Variants in PRKCA observed in about 807,000 individuals in gnomAD.
PRKCA encodes protein kinase C alpha type.
Under a neutral mutation model 87.0 loss-of-function variants are expected in PRKCA, and 27 were observed. The observed-to-expected ratio is 0.31, with a 90% CI of 0.23 to 0.43. The LOEUF (loss-of-function observed/expected upper bound fraction) is 0.43, where lower values mean the gene tolerates loss of function less well. Among genes scored for constraint, PRKCA ranks in the 20% least tolerant of loss-of-function variants. The probability of loss-of-function intolerance (pLI) is 1.00; values close to 1 mark genes in which losing one functional copy is unlikely to be tolerated. For synonymous variants in PRKCA, 329 were observed against 311.1 expected (o/e 1.06, Z -0.61); for missense variants, 518 against 852.3 (o/e 0.61, Z 4.88).
At chr17:66,621,973 G>A (rs1165617044) in intron 3 of PRKCA, among the ~76,000 whole-genome samples, 1 of 152,092 alleles carries the variant, frequency 6.6e-6, no homozygotes, top group African/African-American at 2.4e-5. Flanking sequence ...CGTCCACGGC[G>A]GGAGGATTGC....
intron 2 of PRKCA, among the ~76,000 whole-genome samples, chr17:66,450,022 T>C (rs61250311): frequency 0.015 from 2,174 of 140,462 alleles, 48 homozygotes; most frequent in African/African-American, 0.062. Context: ...TTTGTTTTTG[T>C]TTTTTTTTTA....
At chr17:66,426,977 G>A (rs1199103372) in intron 2 of PRKCA, among the ~76,000 whole-genome samples, 1 of 152,086 alleles carries the variant, frequency 6.6e-6, no homozygotes, top group East Asian at 1.9e-4. Context: ...AACCTTTATT[G>A]TTTAAGGCAG....
chr17:66,655,839 T>G (rs544265800), intron 5 of PRKCA, among the ~76,000 whole-genome samples: 152 of 142,654 alleles, frequency 1.1e-3, no homozygotes, highest in African/African-American at 4.0e-3. Flanking sequence ...AATGATCCTG[T>G]TTTAACCCAA....
intron 13 of PRKCA, among the ~76,000 whole-genome samples, chr17:66,743,963 C>T (rs1338833273): frequency 6.6e-6 from 1 of 152,060 alleles, no homozygotes; most frequent in African/African-American, 2.4e-5. Context: ...TCTTCAGCGG[C>T]ACCTTAGGGA....
chr17:66,368,880 G>T (rs540737114), intron 2 of PRKCA, among the ~76,000 whole-genome samples: 2 of 152,288 alleles, frequency 1.3e-5, no homozygotes, highest in South Asian at 4.1e-4. Flanking sequence ...CCTGAGTCTT[G>T]CTCCCTGGCC....
intron 5 of PRKCA, among the ~76,000 whole-genome samples, chr17:66,647,055 A>T (rs989161355): frequency 1.3e-5 from 2 of 152,156 alleles, no homozygotes; most frequent in Non-Finnish European, 2.9e-5. Flanking sequence ...CTTATCTGAC[A>T]GCCAGGGCCC....
chr17:66,567,052 A>G (rs1010331974), intron 3 of PRKCA, among the ~76,000 whole-genome samples: 1 of 152,212 alleles, frequency 6.6e-6, no homozygotes, highest in African/African-American at 2.4e-5. Flanking sequence ...TTCCACTGCA[A>G]GTAAGAATGC....
At chr17:66,444,463 C>T (rs1055127650) in intron 2 of PRKCA, among the ~76,000 whole-genome samples, 3 of 152,120 alleles carry the variant, frequency 2.0e-5, no homozygotes, top group East Asian at 1.9e-4. Context: ...AGAGACCTAT[C>T]GTCAGATAGT....
intron 3 of PRKCA, among the ~76,000 whole-genome samples, chr17:66,548,301 G>A (rs774031548): frequency 9.2e-5 from 14 of 152,154 alleles, no homozygotes; most frequent in Admixed American, 1.3e-4. Context: ...CTATGAGGGC[G>A]CCCCTCCTTG....
intron 2 of PRKCA, among the ~76,000 whole-genome samples, chr17:66,437,731 T>TTTTTTTTTGGGGGG (rs55779501): frequency 9.0e-5 from 1 of 11,142 alleles, no homozygotes; most frequent in Non-Finnish European, 1.6e-4. Context: ...TTTTTTTTTT[T>TTTTTTTTTGGGGGG]GAGCGGGGGG....
At chr17:66,663,267 C>T (rs1026615444) in intron 5 of PRKCA, among the ~76,000 whole-genome samples, 1 of 152,202 alleles carries the variant, frequency 6.6e-6, no homozygotes, top group Admixed American at 6.5e-5. Flanking sequence ...TGGACGTCGT[C>T]TCTTAGGGTG....
At chr17:66,355,863 A>G (rs1302336337) in intron 2 of PRKCA, among the ~76,000 whole-genome samples, 2 of 152,196 alleles carry the variant, frequency 1.3e-5, no homozygotes, top group East Asian at 3.8e-4. Flanking sequence ...CTTCCCAATT[A>G]TAGGAAAGAT....
At chr17:66,628,580 A>AT (rs1222827589) in intron 3 of PRKCA, among the ~76,000 whole-genome samples, 1 of 152,018 alleles carries the variant, frequency 6.6e-6, no homozygotes, top group African/African-American at 2.4e-5. Context: ...ACCTTTTCTA[A>AT]TTTTTTACAG....
intron 2 of PRKCA, among the ~76,000 whole-genome samples, chr17:66,355,985 G>A (rs1308782370): frequency 6.6e-6 from 1 of 152,038 alleles, no homozygotes; most frequent in Admixed American, 6.6e-5. Flanking sequence ...TGCAACCTCC[G>A]CCTCCTGGGT....
chr17:66,488,142 C>T lies in PRKCA; in HGVS notation c.206-8059C>T, dbSNP rs185441902. On this transcript the variant is annotated intron_variant, in intron 2 of 16. Coordinates refer to ENST00000413366, the MANE Select transcript of PRKCA (RefSeq NM_002737.3). The stretch of plus-strand genomic sequence containing the variant: ...GTCCAAGTTAATTCTTAACTTGCCC[C>T]TTGGTCTTCTCTGTTCATTTTCTAC... Among the ~76,000 whole-genome samples, 969 of 152,224 alleles carry T rather than the reference C, an allele frequency of 6.4e-3. 31 individuals carry two copies. Among genetic ancestry groups the T allele is most frequent in the Admixed American group, 0.055 (839 of 15,290 alleles).
At chr17:66,590,252 C>T (rs1190998866) in intron 3 of PRKCA, among the ~76,000 whole-genome samples, 2 of 152,090 alleles carry the variant, frequency 1.3e-5, no homozygotes, top group East Asian at 3.9e-4. Flanking sequence ...GCTCCCCTCT[C>T]CACACATCAG....
intron 2 of PRKCA, among the ~76,000 whole-genome samples, chr17:66,468,275 A>G: frequency 6.6e-6 from 1 of 152,214 alleles, no homozygotes; most frequent in East Asian, 1.9e-4. Flanking sequence ...TTTGAAATGA[A>G]CTTGTCTGAA....
chr17:66,367,082 G>A (rs4411531), intron 2 of PRKCA, among the ~76,000 whole-genome samples: 19,979 of 152,178 alleles, frequency 0.13, 1,587 homozygotes, highest in East Asian at 0.28. Flanking sequence ...TGAAAACATT[G>A]CTTTCAGCGT....
intron 2 of PRKCA, among the ~76,000 whole-genome samples, chr17:66,339,357 C>A (rs1469441473): frequency 2.0e-5 from 3 of 152,076 alleles, no homozygotes; most frequent in Non-Finnish European, 2.9e-5. Flanking sequence ...AGTGGCTCAA[C>A]GGGGAAATGA....
Sources: allele counts gnomAD v4.1 joint callset (sites outside exome capture counted in the v4.1 genomes callset), GRCh38; gene constraint gnomAD v4.1.1; transcripts MANE v1.5; gene names NCBI Gene and HGNC (gene_info 2026-07-23, HGNC 2026-07-21).